The following PDE1C variants were observed in gnomAD, a reference collection of about 807,000 sequenced individuals.
PDE1C encodes the protein phosphodiesterase 1C.
Under a neutral mutation model 93.1 loss-of-function variants are expected in PDE1C, and 62 were observed. That is an observed-to-expected ratio of 0.67 (90% CI 0.54 to 0.82). The LOEUF (loss-of-function observed/expected upper bound fraction) is 0.82, where lower values mean the gene tolerates loss of function less well. PDE1C is among the 40% of genes least tolerant of loss of function. The pLI, the probability that PDE1C is intolerant of heterozygous loss-of-function variation, is 0.00. For synonymous variants in PDE1C, 325 were observed against 310.1 expected (o/e 1.05, Z -0.50); for missense variants, 742 against 884.6 (o/e 0.84, Z 2.04).
intron 2 of PDE1C, among the ~76,000 whole-genome samples, chr7:32,208,258 G>C (rs1396668562): frequency 6.6e-6 from 1 of 152,016 alleles, no homozygotes; most frequent in Admixed American, 6.5e-5. Flanking sequence ...CCTGTAAATA[G>C]AGAAATTATA....
At chr7:32,126,238 TAGA>T (rs1563334330) in intron 3 of PDE1C, among the ~76,000 whole-genome samples, 34 of 151,982 alleles carry the variant, frequency 2.2e-4, no homozygotes, top group African/African-American at 7.5e-4. Flanking sequence ...GATAGATAGA[TAGA>T]TAGATTCATT....
chr7:31,992,153 C>T (rs1281229580), intron 2 of PDE1C, among the ~76,000 whole-genome samples: 1 of 152,196 alleles, frequency 6.6e-6, no homozygotes, highest in African/African-American at 2.4e-5. Context: ...GGGAGAAGAG[C>T]AGTACTGAGG....
At chr7:31,712,321 A>G in the PDE1C span, among the ~76,000 whole-genome samples, 1 of 150,930 alleles carries the variant, frequency 6.6e-6, no homozygotes, top group Non-Finnish European at 1.5e-5. Flanking sequence ...CTTTGTAAGA[A>G]GCCAAGCCTA....
At chr7:31,656,423 T>G in the PDE1C span, 4 of 664,882 alleles carry the variant, frequency 6.0e-6, no homozygotes, top group Non-Finnish European at 7.4e-6. Flanking sequence ...TAATCCAATG[T>G]CCATCACGTA....
At chr7:32,378,931 T>C (rs1037381748) in intron 1 of PDE1C, among the ~76,000 whole-genome samples, 4 of 152,214 alleles carry the variant, frequency 2.6e-5, no homozygotes, top group African/African-American at 9.6e-5. Context: ...TCTTTTTTGG[T>C]GCAGCCAGCA....
At position 32,078,086 on chromosome 7, in the gene PDE1C, T is replaced by G. The variant is rs556123746; in HGVS notation, c.308+91699A>C. 3.2e-5 allele frequency: 30 copies of G among 947,296 alleles called. No individual in the cohort carries two copies. In the East Asian group the frequency reaches 1.3e-3, roughly 40 times the overall value. 58.7% of individuals were successfully genotyped at this position (947,296 alleles called of 1,614,324 possible). ...GAAATTTTTGTTCACGTAAAACTGC[T>G]GATGCTACAAGTCAGCCAAATTCTG... On this transcript the variant is annotated intron_variant, in intron 3 of 18. Coordinates refer to the PDE1C transcript ENST00000396193.
chr7:31,998,272 G>A (rs1435909071), intron 2 of PDE1C, among the ~76,000 whole-genome samples: 4 of 152,224 alleles, frequency 2.6e-5, no homozygotes, highest in South Asian at 4.1e-4. Flanking sequence ...TCCCGCCTTG[G>A]CCTCCCAAAG....
At chr7:32,398,604 G>T (rs560570713) in intron 1 of PDE1C, among the ~76,000 whole-genome samples, 303 of 152,042 alleles carry the variant, frequency 2.0e-3, no homozygotes, top group Middle Eastern at 0.01. Flanking sequence ...GGCCAGGCAG[G>T]TCTCAAACTC....
At chr7:31,829,461 T>C (rs1033173688) in intron 11 of PDE1C, among the ~76,000 whole-genome samples, 1 of 152,162 alleles carries the variant, frequency 6.6e-6, no homozygotes, top group Admixed American at 6.6e-5. Context: ...TAAATTAATG[T>C]AATAGCAAAT....
intron 3 of PDE1C, among the ~76,000 whole-genome samples, chr7:32,159,887 T>C (rs1249742127): frequency 2.0e-5 from 3 of 152,144 alleles, no homozygotes; most frequent in African/African-American, 7.2e-5. Context: ...CTTTGTGGTT[T>C]GGACAGGCCC....
In PDE1C at chr7:32,099,254, A is replaced by G. The variant is rs372468997; in HGVS notation, c.308+70531T>C. Among the ~76,000 whole-genome samples the G allele has an allele frequency of 2.0e-5, 3 of 152,364 alleles. No individual in the cohort carries two copies. The East Asian group carries it at 5.8e-4, about 29-fold the overall frequency. On this transcript the variant is annotated intron_variant, in intron 3 of 18. Transcript: ENST00000396193. ...AGTTTATTTTCTAAAAAAGAAAGTT[A>G]TACACAGATTATTTGCTTTCAATAA...
intron 2 of PDE1C, among the ~76,000 whole-genome samples, chr7:31,992,270 C>A (rs1379772277): frequency 6.6e-6 from 1 of 152,152 alleles, no homozygotes; most frequent in Non-Finnish European, 1.5e-5. Flanking sequence ...CCCAAGGGAC[C>A]ACACCAGGAG....
intron 16 of PDE1C, chr7:31,787,549 T>C (rs1439988845): frequency 1.3e-5 from 2 of 152,236 alleles, no homozygotes; most frequent in Non-Finnish European, 2.9e-5. Context: ...ATTCAAGGGC[T>C]AACTTGTCAC....
chr7:31,951,260 A>C (rs1201229697), intron 2 of PDE1C, among the ~76,000 whole-genome samples: 1 of 152,222 alleles, frequency 6.6e-6, no homozygotes, highest in Non-Finnish European at 1.5e-5. Flanking sequence ...TTTTCATTTC[A>C]GTCTCTAATA....
At chr7:32,275,441 ACT>A (rs1811217050) in intron 1 of PDE1C, among the ~76,000 whole-genome samples, 1 of 152,054 alleles carries the variant, frequency 6.6e-6, no homozygotes, top group Non-Finnish European at 1.5e-5. Flanking sequence ...ACCAGTGACC[ACT>A]CTCTCCATGG....
Position 32,270,524 on chromosome 7 carries a change from AGGTT to A in PDE1C, c.85+28123_85+28126del, listed in dbSNP as rs1424495793. 3.3e-5 allele frequency among the ~76,000 whole-genome samples: 5 copies of A among 152,162 alleles called. No individual in the cohort carries two copies. The East Asian group carries it at 7.7e-4, about 23-fold the overall frequency. The stretch of plus-strand genomic sequence containing the variant: ...GCACCCCAAAGACCGTTAGAAAAGG[AGGTT>A]GGTTTCCAGTGGCTTGCTGTGAGGA... On this transcript the variant is annotated intron_variant, in intron 1 of 18. Transcript: ENST00000396193.
chr7:32,327,631 G>A (rs1042357908), intron 1 of PDE1C, among the ~76,000 whole-genome samples: 17 of 152,122 alleles, frequency 1.1e-4, no homozygotes, highest in Non-Finnish European at 2.2e-4. Flanking sequence ...GCCGGGCATG[G>A]TGGCGGCGCA....
intron 2 of PDE1C, among the ~76,000 whole-genome samples, chr7:31,904,852 A>G (rs1372823866): frequency 6.6e-6 from 1 of 152,184 alleles, no homozygotes; most frequent in East Asian, 1.9e-4. Flanking sequence ...TTTTATCATC[A>G]TAAATTAAGA....
chr7:32,330,802 C>T (rs1783497736), intron 1 of PDE1C, among the ~76,000 whole-genome samples: 1 of 152,178 alleles, frequency 6.6e-6, no homozygotes, highest in Admixed American at 6.5e-5. Flanking sequence ...ACAGAAGTCC[C>T]TAAAAACACT....
Sources: allele counts gnomAD v4.1 joint callset (sites outside exome capture counted in the v4.1 genomes callset), GRCh38; gene constraint gnomAD v4.1.1; transcripts MANE v1.5; gene names NCBI Gene and HGNC (gene_info 2026-07-23, HGNC 2026-07-21).